Variants in ARK2N observed in about 807,000 individuals in gnomAD.
ARK2N encodes arkadia (RNF111) N-terminal like PKA signaling regulator 2N, also known as protein ARK2N.
chr18:46,259,921 A>C, the ARK2N span, among the ~76,000 whole-genome samples: 12 of 35,554 alleles, frequency 3.4e-4, no homozygotes, highest in South Asian at 8.6e-4. Flanking sequence ...GGGTTTCACC[A>C]TGGTGCCCAG....
the ARK2N span, among the ~76,000 whole-genome samples, chr18:46,248,439 T>TC: frequency 1.3e-5 from 2 of 152,128 alleles, no homozygotes; most frequent in South Asian, 4.1e-4. Flanking sequence ...AAATGGATGA[T>TC]CCCAGGTGCT....
chr18:46,219,116 T>C, the ARK2N span: 2 of 152,212 alleles, frequency 1.3e-5, no homozygotes, highest in African/African-American at 2.4e-5. Context: ...CATATTCTTT[T>C]AGAGAGTGCA....
chr18:46,202,685 G>C, the ARK2N span, among the ~76,000 whole-genome samples: 1 of 151,350 alleles, frequency 6.6e-6, no homozygotes, highest in Non-Finnish European at 1.5e-5. Flanking sequence ...CTACTCAGAA[G>C]GCTGAAGGAG....
At chr18:46,194,218 C>T in the ARK2N span, among the ~76,000 whole-genome samples, 1 of 152,108 alleles carries the variant, frequency 6.6e-6, no homozygotes, top group Non-Finnish European at 1.5e-5. Context: ...TCCCAAGGCT[C>T]TGGGATTACA....
the ARK2N span, among the ~76,000 whole-genome samples, chr18:46,248,245 C>A: frequency 1.3e-5 from 2 of 152,202 alleles, no homozygotes; most frequent in East Asian, 3.9e-4. Context: ...GCAGCTTCCT[C>A]TTCAGAAGAC....
chr18:46,194,772 A>AGCCTTT, the ARK2N span, among the ~76,000 whole-genome samples: 1 of 141,392 alleles, frequency 7.1e-6, no homozygotes, highest in Non-Finnish European at 1.5e-5. Flanking sequence ...CCGCGACCGG[A>AGCCTTT]TTCTTGTTTT....
the ARK2N span, among the ~76,000 whole-genome samples, chr18:46,247,134 G>T: frequency 3.3e-5 from 5 of 151,782 alleles, no homozygotes; most frequent in Admixed American, 2.6e-4. Context: ...CATAATGAAT[G>T]AATAAAGTTA....
chr18:46,221,789 C>G, the ARK2N span, among the ~76,000 whole-genome samples: 1 of 151,976 alleles, frequency 6.6e-6, no homozygotes, highest in Non-Finnish European at 1.5e-5. Context: ...GGTTGAAGAT[C>G]CCAAACCCAC....
chr18:46,175,843 C>A, the ARK2N span, among the ~76,000 whole-genome samples: 29 of 152,136 alleles, frequency 1.9e-4, no homozygotes, highest in African/African-American at 7.0e-4. Flanking sequence ...TTTCTGACAA[C>A]TTTTTGTGGA....
chr18:46,238,106 C>T, the ARK2N span, among the ~76,000 whole-genome samples: 2 of 152,116 alleles, frequency 1.3e-5, no homozygotes, highest in East Asian at 3.9e-4. Context: ...CATGTATACA[C>T]TTATACTTTT....
the ARK2N span, among the ~76,000 whole-genome samples, chr18:46,229,291 C>T: frequency 1.3e-5 from 2 of 151,604 alleles, no homozygotes; most frequent in Non-Finnish European, 2.9e-5. Flanking sequence ...TAAAAAATTC[C>T]CCTTTCAACA....
At chr18:46,241,418 C>T in the ARK2N span, among the ~76,000 whole-genome samples, 2 of 152,130 alleles carry the variant, frequency 1.3e-5, no homozygotes. Flanking sequence ...AATACAAATA[C>T]TTTGAAAAGA....
the ARK2N span, chr18:46,263,431 T>C: frequency 4.8e-6 from 1 of 209,452 alleles, no homozygotes; most frequent in South Asian, 1.2e-4. Context: ...TAGAATAATA[T>C]TTTAATTGCC....
At chr18:46,210,776 G>A in the ARK2N span, among the ~76,000 whole-genome samples, 1 of 152,070 alleles carries the variant, frequency 6.6e-6, no homozygotes, top group Non-Finnish European at 1.5e-5. Context: ...CAGGCATGGT[G>A]GCTTGCACCT....
the ARK2N span, among the ~76,000 whole-genome samples, chr18:46,227,994 AAT>A: frequency 6.6e-6 from 1 of 152,214 alleles, no homozygotes; most frequent in African/African-American, 2.4e-5. Context: ...TACAATAAAT[AAT>A]GTTAGTATGA....
the ARK2N span, among the ~76,000 whole-genome samples, chr18:46,252,368 C>T: frequency 6.6e-6 from 1 of 151,660 alleles, no homozygotes; most frequent in African/African-American, 2.4e-5. Flanking sequence ...CCTCTGCTTC[C>T]TGGGTTCAAG....
the ARK2N span, among the ~76,000 whole-genome samples, chr18:46,186,112 T>C: frequency 2.0e-5 from 3 of 152,166 alleles, no homozygotes; most frequent in Admixed American, 1.3e-4. Context: ...CACAAAGAGC[T>C]AGGAGTGTTT....
At chr18:46,205,300 A>G in the ARK2N span, among the ~76,000 whole-genome samples, 2 of 152,318 alleles carry the variant, frequency 1.3e-5, no homozygotes, top group East Asian at 3.9e-4. Context: ...GAAAGGGGTA[A>G]AAAGCAAGTC....
At chr18:46,234,404 G>A in the ARK2N span, among the ~76,000 whole-genome samples, 1 of 152,100 alleles carries the variant, frequency 6.6e-6, no homozygotes, top group Non-Finnish European at 1.5e-5. Context: ...TCACTATGTT[G>A]CCCAGGCTGG....
Sources: gnomAD v4.1 joint callset for allele counts (sites outside exome capture counted in the v4.1 genomes callset) on GRCh38, gnomAD v4.1.1 for gene constraint, MANE v1.5 for transcripts, NCBI Gene and HGNC (gene_info 2026-07-23, HGNC 2026-07-21) for gene names.